TCFL5: variants seen among roughly 807,000 people sequenced by gnomAD.
The protein encoded by TCFL5 is transcription factor-like 5 protein.
In TCFL5, 9 loss-of-function variants were observed where a neutral mutation model predicts 44.3. The ratio of observed to expected loss-of-function variants is 0.20; its 90% CI spans 0.12 to 0.35. The LOEUF (loss-of-function observed/expected upper bound fraction) is 0.35. Ranked by LOEUF, TCFL5 falls within the 10% of genes least tolerant of loss-of-function variation. The pLI is 1.00. For synonymous variants in TCFL5, 319 were observed against 271.6 expected (o/e 1.17, Z -1.72); for missense variants, 603 against 613.4 (o/e 0.98, Z 0.18).
chr20:62,853,907 G>C, intron 5 of TCFL5, 109 bp downstream of exon 5: 1 of 1,215,906 alleles, frequency 8.2e-7, no homozygotes, highest in Non-Finnish European at 1.2e-6. Context: ...AGTATTTGAT[G>C]TTAGATTCCA....
rs1040746481 is a variant in TCFL5 at position 62,851,738 on chromosome 20, G to A, written c.1380+2278C>T. ...GAGACAAGACAAACTATTGCCTGGC[G>A]CTGAAGAGACGAGCCCTCACTCAAC... On this transcript the variant is annotated intron_variant, in intron 5 of 5. Transcript: ENST00000335351. 6.1e-6 allele frequency: 6 copies of A among 985,286 alleles called. No individual in the cohort carries two copies. The East Asian group carries it at 3.4e-4, about 56-fold the overall frequency. 61.0% of individuals were successfully genotyped at this position (985,286 alleles called of 1,614,324 possible). A position where few individuals can be genotyped will look rare whatever the true frequency, so the allele number is the denominator to read the frequency against.
intron 5 of TCFL5, chr20:62,852,350 G>A (rs1287729048): frequency 1.0e-6 from 1 of 982,848 alleles, no homozygotes; most frequent in Non-Finnish European, 1.2e-6. Flanking sequence ...CAGGGCCCAG[G>A]ACCCTGGAAC....
Position 62,841,737 on chromosome 20 carries a change from CTAATTAT to C in TCFL5, c.*231_*237del. ...ACTAATTATTACTAATTAATTATTACTAATTATTAAGATGGCTTCATCCCCAAATGGT... is the reference window on the plus strand; with the variant it reads ...ACTAATTATTACTAATTAATTATTACTAAGATGGCTTCATCCCCAAATGGT... On this transcript the variant is annotated 3_prime_UTR_variant, in exon 6 of 6. Transcript: ENST00000335351. 2 of 322,408 alleles carry C rather than the reference CTAATTAT, an allele frequency of 6.2e-6. No homozygotes were observed. The allele number at this position is 322,408 out of a possible 1,614,324, so 20.0% of individuals were successfully genotyped here.
chr20:62,856,705 CAAA>C (rs11470406), intron 4 of TCFL5, among the ~76,000 whole-genome samples: 18 of 100,254 alleles, frequency 1.8e-4, no homozygotes, highest in African/African-American at 4.2e-4. Flanking sequence ...GACTCCGTCT[CAAA>C]AAAAAAAAAA....
chr20:62,860,013 A>G, intron 2 of TCFL5, 112 bp downstream of exon 2: 4 of 1,107,806 alleles, frequency 3.6e-6, no homozygotes, highest in South Asian at 1.6e-5. Context: ...CCGGCTTAAA[A>G]GGTTATTAAG....
In TCFL5 at chr20:62,854,007, A is replaced by T. The variant is rs1316379290; in HGVS notation, c.1380+9T>A. The T allele has an allele frequency of 6.2e-7, 1 of 1,613,018 alleles. No individual in the cohort carries two copies. The highest frequency in any genetic ancestry group is 8.5e-7 in the Non-Finnish European group (1 of 1,179,528). On this transcript the variant is annotated intron_variant, in intron 5 of 5. Coordinates refer to ENST00000335351, the MANE Select transcript of TCFL5 (RefSeq NM_006602.4). Reference sequence around the variant, plus strand: ...AAAATTCTGAAAATCTACCTGGCCTACCACTAACCTTTTTAAGAGAATCTC... The same window carrying T: ...AAAATTCTGAAAATCTACCTGGCCTTCCACTAACCTTTTTAAGAGAATCTC...
chr20:62,854,370 C>T (rs1445980594), intron 4 of TCFL5, among the ~76,000 whole-genome samples: 1 of 152,228 alleles, frequency 6.6e-6, no homozygotes, highest in Non-Finnish European at 1.5e-5. Flanking sequence ...AGAGCATCCT[C>T]GGGTGCCCTT....
chr20:62,851,362 CTACT>C (rs1245515433), intron 5 of TCFL5: 2 of 202,322 alleles, frequency 9.9e-6, no homozygotes, highest in African/African-American at 2.4e-5. Flanking sequence ...AACATTTGGT[CTACT>C]TAATCTTTGA....
At chr20:62,851,861 G>A in intron 5 of TCFL5, 2 of 974,802 alleles carry the variant, frequency 2.1e-6, no homozygotes, top group Non-Finnish European at 2.4e-6. Flanking sequence ...CCAGGCTGCA[G>A]TGCAGTGGTG....
intron 5 of TCFL5, among the ~76,000 whole-genome samples, chr20:62,843,453 A>C (rs1600821454): frequency 6.6e-6 from 1 of 152,038 alleles, no homozygotes; most frequent in Admixed American, 6.5e-5. Context: ...GCGAGGGGAT[A>C]GGTGAAACAA....
At chr20:62,857,322 C>T in intron 4 of TCFL5, 73 bp downstream of exon 4, 5 of 1,573,562 alleles carry the variant, frequency 3.2e-6, no homozygotes, top group Non-Finnish European at 4.3e-6. Context: ...CTAAGGATCA[C>T]TCATCTGTGA....
Position 62,859,416 on chromosome 20 carries a change from C to G in TCFL5, c.942G>C (p.Thr314=), listed in dbSNP as rs2063950091. 1 of 1,613,726 alleles carries G rather than the reference C, an allele frequency of 6.2e-7. No individual in the cohort carries two copies. Among genetic ancestry groups the G allele is most frequent in the Non-Finnish European group, 8.5e-7 (1 of 1,179,800 alleles). Residue 314 remains threonine, a synonymous_variant, in exon 3 of 6, where the codon ACG becomes ACC. Transcript: ENST00000335351. ...YQQEIESTKQ[T]LGSRNKVLPE... ...GCAAAACTTTGTTTCTACTACCTAA[C>G]GTCTGTTTAGTGGATTCAATTTCTT... is the stretch of plus-strand genomic sequence containing the variant.
At chr20:62,850,316 C>T (rs745591886) in intron 5 of TCFL5, among the ~76,000 whole-genome samples, 2 of 152,090 alleles carry the variant, frequency 1.3e-5, no homozygotes, top group Non-Finnish European at 2.9e-5. Flanking sequence ...TGGCTGACGC[C>T]GCCCTGCCCT....
chr20:62,857,651 AG>A lies in TCFL5; in HGVS notation c.995-14del. 1 of 1,605,688 alleles carries A rather than the reference AG, an allele frequency of 6.2e-7. No individual in the cohort carries two copies. Among genetic ancestry groups the A allele is most frequent in the Non-Finnish European group, 8.5e-7 (1 of 1,175,054 alleles). On this transcript the variant is annotated splice_polypyrimidine_tract_variant and intron_variant, in intron 3 of 5. Transcript: ENST00000335351. Reference sequence around the variant, plus strand: ...CATAGCGCTGCTTCTTTGCGAAAGAAGAAAAAAGTGGTTTTTAATTTTGTAT... The same window carrying A: ...CATAGCGCTGCTTCTTTGCGAAAGAAAAAAAAGTGGTTTTTAATTTTGTAT...
intron 5 of TCFL5, chr20:62,852,743 C>T: frequency 7.8e-7 from 1 of 1,282,014 alleles, no homozygotes; most frequent in Non-Finnish European, 1.0e-6. Flanking sequence ...GAAGCATAGT[C>T]ACCTGGTCCG....
At chr20:62,858,495 A>T (rs2063930843) in intron 3 of TCFL5, among the ~76,000 whole-genome samples, 1 of 152,252 alleles carries the variant, frequency 6.6e-6, no homozygotes, top group African/African-American at 2.4e-5. Context: ...TATAGGGAGG[A>T]AAAGGAAGGA....
At position 62,842,939 on chromosome 20, in the gene TCFL5, T is replaced by C. The variant is rs533387890; in HGVS notation, c.1381-842A>G. Among the ~76,000 whole-genome samples, 1 of 151,808 alleles carries C rather than the reference T, an allele frequency of 6.6e-6. No individual in the cohort carries two copies. Among genetic ancestry groups the C allele is most frequent in the South Asian group, 2.1e-4 (1 of 4,800 alleles). On this transcript the variant is annotated intron_variant, in intron 5 of 5. Transcript: ENST00000335351. This position sits in a 1 kb window ranked among gnomAD's most constrained non-coding sequence, Gnocchi z 4.3. ...CCTTGGGGAGACCCTGCCAGCAGGG[T>C]GGGGGTGGGCTGAGCTTGCTCCTGT...
chr20:62,850,833 T>C (rs1032254431), intron 5 of TCFL5, among the ~76,000 whole-genome samples: 1 of 152,162 alleles, frequency 6.6e-6, no homozygotes, highest in African/African-American at 2.4e-5. Flanking sequence ...CCTGTCATCA[T>C]TGGGCCTTGG....
At chr20:62,846,090 T>C (rs917978686) in intron 5 of TCFL5, 3 of 1,318,266 alleles carry the variant, frequency 2.3e-6, no homozygotes, top group East Asian at 5.3e-5. Context: ...GTCCATAACA[T>C]GACGTATCTG....
Sources: allele counts gnomAD v4.1 joint callset (sites outside exome capture counted in the v4.1 genomes callset), GRCh38; gene constraint gnomAD v4.1.1; non-coding constraint Gnocchi (gnomAD v3.1); transcripts MANE v1.5; gene names NCBI Gene and HGNC (gene_info 2026-07-23, HGNC 2026-07-21).